Variants in PM20D2 observed in about 807,000 individuals in gnomAD.
PM20D2 encodes xaa-Arg dipeptidase.
PM20D2 carries 33 observed loss-of-function variants against 42.9 expected under a neutral mutation model. The observed-to-expected ratio is 0.77, with a 90% CI of 0.58 to 1.03. The LOEUF is 1.03. PM20D2 is among the 50% of genes least tolerant of loss of function. The probability of loss-of-function intolerance (pLI) is 0.00; values close to 1 mark genes in which losing one functional copy is unlikely to be tolerated. For synonymous variants in PM20D2, 250 were observed against 228.2 expected, an observed-to-expected ratio of 1.10 and a Z score of -0.86; for missense variants, 548 against 557.0, an observed-to-expected ratio of 0.98 and a Z score of 0.16.
the PM20D2 span, among the ~76,000 whole-genome samples, chr6:89,136,539 G>C: frequency 6.0e-5 from 9 of 150,668 alleles, no homozygotes; most frequent in East Asian, 1.7e-3. Context: ...TCAGCCGGGC[G>C]TGGTGGTGGG....
At chr6:89,117,257 T>C in the PM20D2 span, among the ~76,000 whole-genome samples, 2 of 152,210 alleles carry the variant, frequency 1.3e-5, no homozygotes, top group Admixed American at 6.5e-5. Context: ...ATTGAAGTTA[T>C]TTTTTGTATG....
In PM20D2 at chr6:89,149,287, CAGA is replaced by C; in HGVS notation, c.495_497del (p.Glu165del). 1.2e-6 allele frequency: 2 copies of C among 1,613,960 alleles called. No homozygotes were observed. The highest frequency in any genetic ancestry group is 1.7e-6 in the Non-Finnish European group (2 of 1,179,944). ...TAGGTAGTTGTCCTGGGAACCCCTG[CAGA>C]AGAAGATGGTGGTGGCAAAATTGAT... is the stretch of plus-strand genomic sequence containing the variant. On this transcript the variant is annotated inframe_deletion, in exon 2 of 7. Coordinates refer to ENST00000275072, the MANE Select transcript of PM20D2 (RefSeq NM_001010853.3).
At chr6:89,111,269 T>C in the PM20D2 span, among the ~76,000 whole-genome samples, 1 of 152,174 alleles carries the variant, frequency 6.6e-6, no homozygotes, top group Non-Finnish European at 1.5e-5. Flanking sequence ...CCAGCACACC[T>C]TGTTTATTCT....
chr6:89,161,637 G>A, intron 5 of PM20D2, 146 bp from the exon 6 acceptor site: 1 of 647,734 alleles, frequency 1.5e-6, no homozygotes, highest in East Asian at 2.7e-5. Flanking sequence ...AGTGGAAGGT[G>A]AGCCCATGAA....
intron 5 of PM20D2, 50 bp downstream of exon 5, chr6:89,158,510 C>A (rs1339752207): frequency 1.9e-6 from 3 of 1,570,540 alleles, no homozygotes; most frequent in African/African-American, 1.4e-5. Flanking sequence ...AGAGAAATAC[C>A]ATCTTTGGTT....
the PM20D2 span, among the ~76,000 whole-genome samples, chr6:89,129,818 CTT>C: frequency 6.6e-6 from 1 of 152,100 alleles, no homozygotes; most frequent in Admixed American, 6.5e-5. Context: ...TGGTCTCAAA[CTT>C]TGCTTCAACG....
chr6:89,106,274 G>A, the PM20D2 span, among the ~76,000 whole-genome samples: 5 of 85,514 alleles, frequency 5.8e-5, no homozygotes, highest in African/African-American at 9.8e-5. Flanking sequence ...CACCACACCC[G>A]GCTAATTTTT....
chr6:89,099,482 GTGTGTGTA>G, the PM20D2 span, among the ~76,000 whole-genome samples: 1 of 136,318 alleles, frequency 7.3e-6, no homozygotes, highest in Non-Finnish European at 1.5e-5. Flanking sequence ...ATATATATAT[GTGTGTGTA>G]TATATATATG....
At position 89,149,597 on chromosome 6, in the gene PM20D2, G is replaced by T. The variant is rs568009888; in HGVS notation, c.614+184G>T. Among the ~76,000 whole-genome samples the T allele has an allele frequency of 2.0e-5, 3 of 152,270 alleles. No individual in the cohort carries two copies. The South Asian group carries it at 6.2e-4, about 32-fold the overall frequency. On this transcript the variant is annotated intron_variant, in intron 2 of 6. Transcript: ENST00000275072. ...CCTCTTCTAATTGAGATTCATTATG[G>T]TGTTCATAATTGGAGTATTAAAATA...
the PM20D2 span, among the ~76,000 whole-genome samples, chr6:89,129,042 AAAAAG>A: frequency 6.6e-6 from 1 of 152,254 alleles, no homozygotes; most frequent in African/African-American, 2.4e-5. Context: ...AATTGCAAGA[AAAAAG>A]AAAAAGGAGA....
chr6:89,146,309 G>C lies in PM20D2; in HGVS notation c.165G>C (p.Glu55Asp), dbSNP rs1208359457. The C allele has an allele frequency of 6.3e-7, 1 of 1,581,226 alleles. No individual in the cohort carries two copies. The highest frequency in any genetic ancestry group is 1.1e-5 in the South Asian group (1 of 88,302). ...IWSQPELAYEEHHAHRVLTHF... is the reference protein window; with the variant it reads ...IWSQPELAYEDHHAHRVLTHF... ...GCCAGCCCGAGCTGGCCTACGAGGA[G>C]CACCATGCCCACCGCGTGCTGACGC... The change falls in exon 1 of 7, where the codon GAG becomes GAC. Residue 55 changes from glutamate (E) to aspartate (D), a missense_variant. Glu to Asp is a conservative substitution (Grantham distance 45). Coordinates refer to ENST00000275072, the MANE Select transcript of PM20D2 (RefSeq NM_001010853.3).
chr6:89,117,354 C>T, the PM20D2 span, among the ~76,000 whole-genome samples: 1 of 152,206 alleles, frequency 6.6e-6, no homozygotes, highest in Non-Finnish European at 1.5e-5. Context: ...GGCCCGAGTA[C>T]GCATTATGGT....
chr6:89,126,226 C>T, the PM20D2 span, among the ~76,000 whole-genome samples: 1 of 152,022 alleles, frequency 6.6e-6, no homozygotes, highest in Non-Finnish European at 1.5e-5. Flanking sequence ...GAGACCCCGT[C>T]TCTACAAAAA....
the PM20D2 span, among the ~76,000 whole-genome samples, chr6:89,103,991 C>CTTTTTTTTTTTTTT: frequency 1.2e-4 from 10 of 81,964 alleles, 1 homozygote; most frequent in African/African-American, 4.2e-4. Context: ...TATTATATTT[C>CTTTTTTTTTTTTTT]TTTTTTTTTT....
upstream of PM20D2, among the ~76,000 whole-genome samples, chr6:89,145,694 T>C (rs1770506233): frequency 6.6e-6 from 1 of 152,150 alleles, no homozygotes; most frequent in South Asian, 2.1e-4. Context: ...AATACAAACC[T>C]TGTGAGGTTT....
chr6:89,126,831 T>G, the PM20D2 span, among the ~76,000 whole-genome samples: 3 of 152,160 alleles, frequency 2.0e-5, no homozygotes, highest in African/African-American at 7.2e-5. Flanking sequence ...GTGTGGCTGA[T>G]TCCATGCTTG....
the PM20D2 span, among the ~76,000 whole-genome samples, chr6:89,114,025 A>C: frequency 1.3e-5 from 2 of 152,230 alleles, no homozygotes; most frequent in African/African-American, 4.8e-5. Context: ...AAAGGTTAAT[A>C]CAGATTACAT....
chr6:89,099,685 G>A, the PM20D2 span, among the ~76,000 whole-genome samples: 6 of 151,762 alleles, frequency 4.0e-5, no homozygotes, highest in African/African-American at 9.7e-5. Context: ...ACAGGCATGC[G>A]CCACCACGCC....
At chr6:89,119,461 A>G in the PM20D2 span, among the ~76,000 whole-genome samples, 1 of 152,192 alleles carries the variant, frequency 6.6e-6, no homozygotes, top group East Asian at 1.9e-4. Flanking sequence ...TAAATGAGGC[A>G]AAACAGGAGC....
Sources: allele counts gnomAD v4.1 joint callset (sites outside exome capture counted in the v4.1 genomes callset), GRCh38; gene constraint gnomAD v4.1.1; transcripts MANE v1.5; gene names NCBI Gene and HGNC (gene_info 2026-07-23, HGNC 2026-07-21).